Variants in CTNNA2 observed in about 807,000 individuals in gnomAD.
CTNNA2 encodes the protein catenin alpha 2.
A neutral mutation model predicts 101.0 loss-of-function variants in CTNNA2; 42 were observed. That is an observed-to-expected ratio of 0.42 (90% confidence interval 0.32 to 0.54). CTNNA2 has a LOEUF of 0.54. CTNNA2 is among the 20% of genes least tolerant of loss of function. The pLI is 0.14. For synonymous variants in CTNNA2, 450 were observed against 456.4 expected (o/e 0.99, Z 0.18); for missense variants, 871 against 1,223.1 (o/e 0.71, Z 4.29).
chr2:79,760,569 A>C (rs1672723339), intron 3 of CTNNA2, among the ~76,000 whole-genome samples: 4 of 152,126 alleles, frequency 2.6e-5, no homozygotes, highest in Admixed American at 2.6e-4. Flanking sequence ...TATCAAGGCA[A>C]ATCTTCTTTA....
chr2:80,016,321 C>A (rs113399745), intron 7 of CTNNA2, among the ~76,000 whole-genome samples: 1 of 152,058 alleles, frequency 6.6e-6, no homozygotes, highest in Non-Finnish European at 1.5e-5. Context: ...GAAGGCAGGG[C>A]GACAGTGCTG....
intron 7 of CTNNA2, among the ~76,000 whole-genome samples, chr2:80,215,183 C>T (rs1427054407): frequency 6.6e-6 from 1 of 152,036 alleles, no homozygotes; most frequent in Non-Finnish European, 1.5e-5. Context: ...AGGTTTTTAG[C>T]TTCTTTACAA....
chr2:79,331,718 G>A (rs1676876967), intron 3 of CTNNA2, among the ~76,000 whole-genome samples: 2 of 152,110 alleles, frequency 1.3e-5, no homozygotes, highest in South Asian at 4.1e-4. Flanking sequence ...ATTCCAGGCT[G>A]TAGAGAAATT....
At chr2:79,932,522 G>T (rs1418281861) in intron 7 of CTNNA2, among the ~76,000 whole-genome samples, 1 of 150,658 alleles carries the variant, frequency 6.6e-6, no homozygotes, top group East Asian at 1.9e-4. Flanking sequence ...CTTAATGCTA[G>T]ATCAATGAAA....
chr2:79,732,774 G>A (rs1687284849), intron 2 of CTNNA2, among the ~76,000 whole-genome samples: 1 of 152,012 alleles, frequency 6.6e-6, no homozygotes. Flanking sequence ...ATCTAAATGG[G>A]TCTTTCTGAT....
intron 7 of CTNNA2, among the ~76,000 whole-genome samples, chr2:80,236,028 T>A (rs1474407992): frequency 6.6e-6 from 1 of 152,168 alleles, no homozygotes; most frequent in African/African-American, 2.4e-5. Context: ...GTTCTTATCA[T>A]TTAGCTCCCA....
At chr2:80,013,110 G>A (rs765081878) in intron 7 of CTNNA2, among the ~76,000 whole-genome samples, 2 of 152,136 alleles carry the variant, frequency 1.3e-5, no homozygotes, top group African/African-American at 2.4e-5. Flanking sequence ...AGGCTGCAGT[G>A]AGCTATGATC....
At chr2:80,403,399 T>C (rs189362242) in intron 8 of CTNNA2, among the ~76,000 whole-genome samples, 32 of 152,320 alleles carry the variant, frequency 2.1e-4, no homozygotes, top group African/African-American at 6.5e-4. Flanking sequence ...AGATGACACG[T>C]TGGACTCCAG....
Position 80,447,456 on chromosome 2 carries a change from A to G in CTNNA2, c.1290+27855A>G, listed in dbSNP as rs1422452292. 5.3e-5 allele frequency among the ~76,000 whole-genome samples: 8 copies of G among 152,110 alleles called. No homozygotes were observed. In the East Asian group the frequency reaches 9.7e-4, roughly 18 times the overall value. ...CTTCTTGGTATGGGGTTGTTGTGTT[A>G]TTTCTCTTACTCTAGGCCTGTGTGT... On this transcript the variant is annotated intron_variant, in intron 9 of 18. Transcript: ENST00000402739.
intron 2 of CTNNA2, among the ~76,000 whole-genome samples, chr2:79,712,270 C>G (rs1685788099): frequency 6.6e-6 from 1 of 152,166 alleles, no homozygotes; most frequent in Non-Finnish European, 1.5e-5. Context: ...TCAGCTCCTA[C>G]CAAGCAATGC....
At chr2:79,251,023 C>T (rs1282658019) in intron 2 of CTNNA2, among the ~76,000 whole-genome samples, 5 of 152,070 alleles carry the variant, frequency 3.3e-5, no homozygotes, top group African/African-American at 7.2e-5. Context: ...ACTATGTCTC[C>T]GTAGTAATGG....
At chr2:79,514,944 G>A (rs1217008267) in intron 1 of CTNNA2, among the ~76,000 whole-genome samples, 2 of 152,078 alleles carry the variant, frequency 1.3e-5, no homozygotes, top group Admixed American at 1.3e-4. Context: ...ATGCAGTTTT[G>A]CATTTTATGG....
At chr2:80,386,188 C>T (rs1043029441) in intron 7 of CTNNA2, among the ~76,000 whole-genome samples, 6 of 152,156 alleles carry the variant, frequency 3.9e-5, no homozygotes, top group Non-Finnish European at 8.8e-5. Flanking sequence ...ATCAGAGATA[C>T]ATCAGTGTTT....
At chr2:79,487,264 A>G (rs1371221403) in intron 4 of CTNNA2, among the ~76,000 whole-genome samples, 2 of 152,006 alleles carry the variant, frequency 1.3e-5, no homozygotes, top group African/African-American at 4.8e-5. Flanking sequence ...GCAAAAAACT[A>G]TCTTTAGTTA....
At chr2:80,047,214 C>T (rs1389577662) in intron 7 of CTNNA2, among the ~76,000 whole-genome samples, 1 of 152,176 alleles carries the variant, frequency 6.6e-6, no homozygotes, top group Non-Finnish European at 1.5e-5. Context: ...ATCCAGTAGT[C>T]TCTAGCCACA....
At chr2:80,621,974 T>C (rs1671171719) in intron 18 of CTNNA2, among the ~76,000 whole-genome samples, 2 of 151,936 alleles carry the variant, frequency 1.3e-5, no homozygotes, top group South Asian at 4.1e-4. Flanking sequence ...GTTTGTGTTA[T>C]TGTATATAAA....
At chr2:79,433,211 T>C (rs1678675225) in intron 4 of CTNNA2, among the ~76,000 whole-genome samples, 1 of 152,176 alleles carries the variant, frequency 6.6e-6, no homozygotes, top group Non-Finnish European at 1.5e-5. Context: ...AGAAACACTT[T>C]CAAATCATTG....
intron 7 of CTNNA2, among the ~76,000 whole-genome samples, chr2:79,986,499 A>G (rs1383518515): frequency 6.6e-6 from 1 of 152,136 alleles, no homozygotes; most frequent in East Asian, 1.9e-4. Flanking sequence ...CAAAGGATCC[A>G]TTCTGCAGCA....
chr2:79,321,160 C>T (rs1676614214), intron 3 of CTNNA2, among the ~76,000 whole-genome samples: 2 of 152,062 alleles, frequency 1.3e-5, no homozygotes, highest in Non-Finnish European at 2.9e-5. Context: ...ATCACACCAA[C>T]TTTTTGAGTT....
Sources: gnomAD v4.1 joint callset for allele counts (sites outside exome capture counted in the v4.1 genomes callset) on GRCh38, gnomAD v4.1.1 for gene constraint, MANE v1.5 for transcripts, NCBI Gene and HGNC (gene_info 2026-07-23, HGNC 2026-07-21) for gene names.